PDZD8: variants seen among roughly 807,000 people sequenced by gnomAD.
The protein encoded by PDZD8 is PDZ domain containing 8, also known as PDZ domain-containing protein 8.
PDZD8 carries 14 observed loss-of-function variants against 85.8 expected under a neutral mutation model. The ratio of observed to expected loss-of-function variants is 0.16; its 90% CI spans 0.11 to 0.26. PDZD8 has a LOEUF of 0.26. Among genes scored for constraint, PDZD8 ranks in the 10% least tolerant of loss-of-function variants. The pLI is 1.00. For synonymous variants in PDZD8, 592 were observed against 568.6 expected (o/e 1.04, Z -0.59); for missense variants, 1,197 against 1,424.3 (o/e 0.84, Z 2.57).
At chr10:117,306,820 T>G (rs1843952048) in intron 3 of PDZD8, among the ~76,000 whole-genome samples, 1 of 152,300 alleles carries the variant, frequency 6.6e-6, no homozygotes, top group Admixed American at 6.5e-5. Context: ...TCACTCTGCA[T>G]ATTATTTTTC....
At chr10:117,338,293 A>T (rs1001849589) in intron 2 of PDZD8, among the ~76,000 whole-genome samples, 1 of 152,234 alleles carries the variant, frequency 6.6e-6, no homozygotes, top group African/African-American at 2.4e-5. Context: ...CAGTACCACA[A>T]CACTGAGTAA....
At position 117,325,537 on chromosome 10, in the gene PDZD8, G is replaced by T. The variant is rs779259941; in HGVS notation, c.996-6563C>A. ...TGTGCCTGAACCTCCCAAGTAGCTG[G>T]GATTACAGGCGCGTGCCACCATGCC... On this transcript the variant is annotated intron_variant, in intron 2 of 4. Coordinates refer to ENST00000334464, the MANE Select transcript of PDZD8 (RefSeq NM_173791.5). 8.0e-5 allele frequency among the ~76,000 whole-genome samples: 12 copies of T among 149,800 alleles called. No individual in the cohort carries two copies. In the South Asian group the frequency reaches 8.5e-4, roughly 11 times the overall value.
chr10:117,375,436 G>C lies in PDZD8; in HGVS notation c.-209C>G, dbSNP rs1370147064. ...CCTCCTCAGACGCTCCCGAAGGGCC[G>C]GTGTGGCGGCGGCGGCAGCGGGGCC... On this transcript the variant is annotated 5_prime_UTR_variant, in exon 1 of 5. Coordinates refer to ENST00000334464, the MANE Select transcript of PDZD8 (RefSeq NM_173791.5). The C allele has an allele frequency of 3.9e-6, 1 of 255,498 alleles. No homozygotes were observed. Among genetic ancestry groups the C allele is most frequent in the Admixed American group, 5.5e-5 (1 of 18,330 alleles). 15.8% of individuals were successfully genotyped at this position (255,498 alleles called of 1,614,324 possible). A position where few individuals can be genotyped will look rare whatever the true frequency, so the allele number is the denominator to read the frequency against.
intron 1 of PDZD8, among the ~76,000 whole-genome samples, chr10:117,368,892 G>A (rs1379222983): frequency 1.8e-5 from 2 of 109,770 alleles, no homozygotes; most frequent in East Asian, 5.5e-4. Context: ...GTCTCACTCT[G>A]TTGCCCAGAC....
chr10:117,289,318 C>T (rs144828440), intron 4 of PDZD8, among the ~76,000 whole-genome samples: 371 of 152,328 alleles, frequency 2.4e-3, no homozygotes, highest in Non-Finnish European at 4.0e-3. Context: ...GTTTCTTTGA[C>T]ATGTAACCAA....
intron 3 of PDZD8, among the ~76,000 whole-genome samples, chr10:117,313,813 A>C (rs1844078767): frequency 6.6e-6 from 1 of 152,180 alleles, no homozygotes; most frequent in Non-Finnish European, 1.5e-5. Flanking sequence ...CTCTGGAAGT[A>C]AACAAAGACT....
At chr10:117,286,162 C>T (rs192587916) in intron 4 of PDZD8, among the ~76,000 whole-genome samples, 291 of 152,080 alleles carry the variant, frequency 1.9e-3, no homozygotes, top group Admixed American at 4.4e-3. Flanking sequence ...AATTGTTACA[C>T]GTAGTTTAAA....
At chr10:117,329,308 C>T (rs1844374921) in intron 2 of PDZD8, among the ~76,000 whole-genome samples, 1 of 152,164 alleles carries the variant, frequency 6.6e-6, no homozygotes. Flanking sequence ...TGCCGTCTAT[C>T]TCCTGAAAGA....
intron 1 of PDZD8, among the ~76,000 whole-genome samples, chr10:117,370,213 C>T (rs748784814): frequency 6.6e-6 from 1 of 152,082 alleles, no homozygotes; most frequent in Non-Finnish European, 1.5e-5. Flanking sequence ...ATATTGTCTA[C>T]ATATTATAAT....
chr10:117,357,720 C>T (rs1357455391), intron 1 of PDZD8, among the ~76,000 whole-genome samples: 1 of 121,198 alleles, frequency 8.3e-6, no homozygotes, highest in Non-Finnish European at 1.6e-5. Context: ...GAGCCCCGAT[C>T]ATGCCACAGC....
At chr10:117,334,261 G>T (rs74159181) in intron 2 of PDZD8, among the ~76,000 whole-genome samples, 1,671 of 152,272 alleles carry the variant, frequency 0.011, 36 homozygotes, top group African/African-American at 0.037. Flanking sequence ...ACTTTGGGAG[G>T]TTGAAGCTGG....
chr10:117,326,587 G>A (rs1844321256), intron 2 of PDZD8, among the ~76,000 whole-genome samples: 1 of 152,222 alleles, frequency 6.6e-6, no homozygotes, highest in Admixed American at 6.5e-5. Context: ...GATCTGTCAT[G>A]TCAAACCCAA....
At chr10:117,290,371 G>A in intron 3 of PDZD8, 23 bp from the exon 4 acceptor site, 1 of 1,553,406 alleles carries the variant, frequency 6.4e-7, no homozygotes, top group African/African-American at 1.4e-5. Context: ...GGAAAAAAAT[G>A]AAAACTGATT....
rs57037106 is a variant in PDZD8, at chr10:117,305,471, TACACACACACACACACAC to T, written c.1098+13383_1098+13400del. ...ACACACACACATATATACACACACA[TACACACACACACACACAC>T]ACACACACACACACACACACACACA... On this transcript the variant is annotated intron_variant, in intron 3 of 4. Coordinates refer to ENST00000334464, the MANE Select transcript of PDZD8 (RefSeq NM_173791.5). Among the ~76,000 whole-genome samples, 658 of 141,840 alleles carry T rather than the reference TACACACACACACACACAC, an allele frequency of 4.6e-3. 2 individuals carry two copies. The highest frequency in any genetic ancestry group is 6.4e-3 in the Admixed American group (92 of 14,338). The allele number at this position is 141,840 out of a possible 152,430, so 93.1% of individuals were successfully genotyped here.
At chr10:117,324,901 A>T (rs1844288795) in intron 2 of PDZD8, among the ~76,000 whole-genome samples, 1 of 152,138 alleles carries the variant, frequency 6.6e-6, no homozygotes, top group Middle Eastern at 3.2e-3. Context: ...TTACTTTTTC[A>T]TCCCATCTGA....
intron 1 of PDZD8, among the ~76,000 whole-genome samples, chr10:117,365,969 C>G (rs924535096): frequency 6.6e-6 from 1 of 152,152 alleles, no homozygotes; most frequent in South Asian, 2.1e-4. Context: ...AGAACTCTAA[C>G]TTGAAATTTC....
At chr10:117,357,195 C>G (rs1257179352) in intron 1 of PDZD8, among the ~76,000 whole-genome samples, 2 of 151,938 alleles carry the variant, frequency 1.3e-5, no homozygotes, top group Admixed American at 1.3e-4. Context: ...GAGTTCGAGA[C>G]CAGCCTGGCC....
intron 1 of PDZD8, among the ~76,000 whole-genome samples, chr10:117,365,335 G>A (rs1231644333): frequency 1.3e-5 from 2 of 151,998 alleles, no homozygotes; most frequent in African/African-American, 2.4e-5. Context: ...GATACAGTAA[G>A]TTTTTTAAAA....
intron 1 of PDZD8, among the ~76,000 whole-genome samples, chr10:117,372,242 G>A (rs764488241): frequency 6.6e-6 from 1 of 152,076 alleles, no homozygotes; most frequent in Non-Finnish European, 1.5e-5. Flanking sequence ...CCAAATTCAT[G>A]CTGTTTTTAA....
Sources: gnomAD v4.1 joint callset for allele counts (sites outside exome capture counted in the v4.1 genomes callset) on GRCh38, gnomAD v4.1.1 for gene constraint, MANE v1.5 for transcripts, NCBI Gene and HGNC (gene_info 2026-07-23, HGNC 2026-07-21) for gene names.